The following IGSF10 variants were observed in gnomAD, a reference collection of about 807,000 sequenced individuals.
IGSF10 encodes the protein calvaria mechanical force protein 608.
In IGSF10, 126 loss-of-function variants were observed where a neutral mutation model predicts 128.2. That is an observed-to-expected ratio of 0.98 (90% CI 0.85 to 1.14). The LOEUF (loss-of-function observed/expected upper bound fraction) is 1.14. Among genes scored for constraint, IGSF10 ranks in the 50% most tolerant of loss-of-function variants. IGSF10 has a pLI of 0.00. For synonymous variants in IGSF10, 1,185 were observed against 1,146.2 expected, an observed-to-expected ratio of 1.03 and a Z score of -0.68; for missense variants, 3,295 against 3,149.8, an observed-to-expected ratio of 1.05 and a Z score of -1.10.
At chr3:151,493,151 T>C in the IGSF10 span, among the ~76,000 whole-genome samples, 21 of 152,080 alleles carry the variant, frequency 1.4e-4, no homozygotes, top group African/African-American at 4.6e-4. Context: ...TAGCAGTTAC[T>C]AGGGGTGAGG....
At chr3:151,571,888 A>G in the IGSF10 span, among the ~76,000 whole-genome samples, 8 of 152,200 alleles carry the variant, frequency 5.3e-5, no homozygotes, top group Non-Finnish European at 1.2e-4. Flanking sequence ...ATTTTGAGAT[A>G]TGTTCCATCA....
chr3:151,505,863 C>T, the IGSF10 span, among the ~76,000 whole-genome samples: 1 of 152,124 alleles, frequency 6.6e-6, no homozygotes, highest in Non-Finnish European at 1.5e-5. Context: ...AATTAGTGTT[C>T]CATCCCAAAG....
chr3:151,619,464 GTGTGTGTGTA>G, the IGSF10 span, among the ~76,000 whole-genome samples: 3 of 151,582 alleles, frequency 2.0e-5, no homozygotes, highest in Non-Finnish European at 4.4e-5. Flanking sequence ...GTGTGTGTGT[GTGTGTGTGTA>G]TGTAGTGGAA....
At chr3:151,567,532 T>C in the IGSF10 span, among the ~76,000 whole-genome samples, 6 of 152,154 alleles carry the variant, frequency 3.9e-5, no homozygotes. Flanking sequence ...TCTGGAGGGA[T>C]GGCCTCTCCC....
At chr3:151,576,221 TA>T in the IGSF10 span, among the ~76,000 whole-genome samples, 10 of 151,930 alleles carry the variant, frequency 6.6e-5, no homozygotes, top group Non-Finnish European at 1.0e-4. Flanking sequence ...TTAAATATAT[TA>T]GCACCATTTT....
the IGSF10 span, among the ~76,000 whole-genome samples, chr3:151,571,961 G>A: frequency 6.6e-6 from 1 of 152,158 alleles, no homozygotes; most frequent in African/African-American, 2.4e-5. Flanking sequence ...GGCCTTTTCT[G>A]CATCTATTGA....
chr3:151,574,538 T>C, the IGSF10 span, among the ~76,000 whole-genome samples: 6 of 152,360 alleles, frequency 3.9e-5, no homozygotes, highest in African/African-American at 1.4e-4. Flanking sequence ...ATGCATCACA[T>C]AGTTCTCATG....
chr3:151,499,272 A>G, the IGSF10 span, among the ~76,000 whole-genome samples: 1 of 152,180 alleles, frequency 6.6e-6, no homozygotes, highest in East Asian at 1.9e-4. Context: ...CTTTTGCTAA[A>G]AGGTAATGCC....
At chr3:151,514,934 G>A in the IGSF10 span, among the ~76,000 whole-genome samples, 24 of 152,200 alleles carry the variant, frequency 1.6e-4, no homozygotes, top group African/African-American at 5.8e-4. Flanking sequence ...TTTCCCACCA[G>A]TTAGAATGGC....
the IGSF10 span, among the ~76,000 whole-genome samples, chr3:151,531,888 C>T: frequency 5.3e-4 from 81 of 151,888 alleles, no homozygotes; most frequent in African/African-American, 1.8e-3. Flanking sequence ...TATCAATGAA[C>T]CCAGGAGCTG....
the IGSF10 span, among the ~76,000 whole-genome samples, chr3:151,477,336 C>T: frequency 2.0e-5 from 3 of 152,030 alleles, no homozygotes; most frequent in Admixed American, 6.6e-5. Context: ...TTTGTGAAAG[C>T]TTTATATGCT....
rs572018149 is a variant in IGSF10 at position 151,437,492 on chromosome 3, A to G, written c.7069T>C (p.Leu2357=). ...IVAQLGKSTA[L]NCSVDGNPPP... is the part of the protein sequence containing the mutation. ...GGGTTACCATCAACAGAGCAATTCAATGCTGTGGACTTTCCCAGCTGGGCA... is the reference window on the plus strand; with the variant it reads ...GGGTTACCATCAACAGAGCAATTCAGTGCTGTGGACTTTCCCAGCTGGGCA... The change falls in exon 8 of 8, where the codon TTG becomes CTG. Residue 2357 remains leucine (L), a synonymous_variant. Coordinates refer to ENST00000282466, the MANE Select transcript of IGSF10 (RefSeq NM_178822.5). The G allele has an allele frequency of 2.5e-5, 40 of 1,614,206 alleles. No individual in the cohort carries two copies. Among genetic ancestry groups the G allele is most frequent in the Non-Finnish European group, 2.6e-5 (31 of 1,180,044 alleles).
chr3:151,470,607 C>A, the IGSF10 span, among the ~76,000 whole-genome samples: 3 of 152,132 alleles, frequency 2.0e-5, no homozygotes, highest in Non-Finnish European at 2.9e-5. Context: ...TTACACTAAA[C>A]CTTTCACCTT....
chr3:151,558,400 T>C, the IGSF10 span, among the ~76,000 whole-genome samples: 1 of 152,060 alleles, frequency 6.6e-6, no homozygotes, highest in Non-Finnish European at 1.5e-5. Context: ...ATAAATGGAA[T>C]GAAAGACCAC....
At chr3:151,549,198 T>C in the IGSF10 span, among the ~76,000 whole-genome samples, 6 of 152,298 alleles carry the variant, frequency 3.9e-5, no homozygotes, top group African/African-American at 1.4e-4. Flanking sequence ...GCTTTACCGC[T>C]TGATATTCTG....
Position 151,447,434 on chromosome 3 carries a change from TTG to T in IGSF10, c.2545_2546del (p.Gln849AsnfsTer5), listed in dbSNP as rs1479377311. 6.2e-7 allele frequency: 1 copy of T among 1,614,008 alleles called. No homozygotes were observed. The highest frequency in any genetic ancestry group is 8.5e-7 in the Non-Finnish European group (1 of 1,179,968). On this transcript the variant is annotated frameshift_variant, in exon 6 of 8. Transcript: ENST00000282466. LOFTEE classifies it high-confidence loss of function. ...GTEFSPVVNS[Q>X]ILPPEEPTDF... is the part of the protein sequence containing the mutation. ...CTGTGGGTTCTTCAGGTGGTAGTAT[TTG>T]TGAATTCACAACAGGAGAGAATTCT...
At chr3:151,494,764 G>T in the IGSF10 span, among the ~76,000 whole-genome samples, 2 of 152,198 alleles carry the variant, frequency 1.3e-5, no homozygotes, top group East Asian at 3.9e-4. Flanking sequence ...CGATGGAAAT[G>T]AATTTCACTA....
the IGSF10 span, among the ~76,000 whole-genome samples, chr3:151,548,749 T>C: frequency 1.3e-5 from 2 of 151,996 alleles, no homozygotes; most frequent in Non-Finnish European, 2.9e-5. Context: ...TTAATTTTTA[T>C]TTTTAGAGTT....
At chr3:151,608,566 C>T in the IGSF10 span, among the ~76,000 whole-genome samples, 1 of 152,188 alleles carries the variant, frequency 6.6e-6, no homozygotes, top group Non-Finnish European at 1.5e-5. Context: ...ACCACTTACT[C>T]TCTTTCACTT....
Sources: gnomAD v4.1 joint callset for allele counts (sites outside exome capture counted in the v4.1 genomes callset) on GRCh38, gnomAD v4.1.1 for gene constraint, MANE v1.5 for transcripts, NCBI Gene and HGNC (gene_info 2026-07-23, HGNC 2026-07-21) for gene names.